Variants in UNC5D observed in about 807,000 individuals in gnomAD.
UNC5D encodes netrin receptor UNC5D.
In UNC5D, 39 loss-of-function variants were observed where a neutral mutation model predicts 105.4. The observed-to-expected ratio is 0.37, with a 90% CI of 0.29 to 0.48. The LOEUF (loss-of-function observed/expected upper bound fraction) is 0.48, where lower values mean the gene tolerates loss of function less well. UNC5D is among the 20% of genes least tolerant of loss of function. The probability of loss-of-function intolerance (pLI) is 0.98; values close to 1 mark genes in which losing one functional copy is unlikely to be tolerated. For missense variants in UNC5D, 991 were observed against 1,202.4 expected, an observed-to-expected ratio of 0.82 and a Z score of 2.60; for synonymous variants, 452 against 450.4, an observed-to-expected ratio of 1.00 and a Z score of -0.04.
chr8:35,453,101 C>T (rs1363272809), intron 1 of UNC5D, among the ~76,000 whole-genome samples: 1 of 152,006 alleles, frequency 6.6e-6, no homozygotes, highest in African/African-American at 2.4e-5. Context: ...TTTGAATGCC[C>T]AATATCTTCA....
At chr8:35,400,847 G>A (rs1490909775) in intron 1 of UNC5D, among the ~76,000 whole-genome samples, 2 of 152,076 alleles carry the variant, frequency 1.3e-5, no homozygotes, top group Non-Finnish European at 2.9e-5. Flanking sequence ...CACTTTTCTT[G>A]TTTTAGTTAC....
intron 1 of UNC5D, among the ~76,000 whole-genome samples, chr8:35,339,785 T>C (rs1811326234): frequency 6.6e-6 from 1 of 152,134 alleles, no homozygotes; most frequent in Non-Finnish European, 1.5e-5. Flanking sequence ...ACTGAGAAGA[T>C]GGTGGACTAT....
intron 1 of UNC5D, among the ~76,000 whole-genome samples, chr8:35,441,996 A>G (rs1437272933): frequency 6.6e-6 from 1 of 151,920 alleles, no homozygotes; most frequent in Non-Finnish European, 1.5e-5. Flanking sequence ...CTATATTCCA[A>G]GTGCACCATA....
chr8:35,649,468 A>C (rs1004295920), intron 4 of UNC5D, among the ~76,000 whole-genome samples: 1 of 152,150 alleles, frequency 6.6e-6, no homozygotes, highest in Non-Finnish European at 1.5e-5. Flanking sequence ...ATCCAATGAG[A>C]ATTTTACTTG....
chr8:35,734,712 G>C (rs1469931532), intron 11 of UNC5D, among the ~76,000 whole-genome samples: 1 of 151,606 alleles, frequency 6.6e-6, no homozygotes, highest in Non-Finnish European at 1.5e-5. Context: ...GCCCAGCTGG[G>C]GTATTTCTTT....
At chr8:35,593,655 G>A (rs1273639548) in intron 3 of UNC5D, among the ~76,000 whole-genome samples, 1 of 152,056 alleles carries the variant, frequency 6.6e-6, no homozygotes, top group East Asian at 1.9e-4. Flanking sequence ...CTAGCTACTT[G>A]GGAAGCTGAG....
intron 1 of UNC5D, among the ~76,000 whole-genome samples, chr8:35,368,165 A>G (rs1235128978): frequency 2.0e-5 from 3 of 152,146 alleles, no homozygotes; most frequent in African/African-American, 7.2e-5. Flanking sequence ...TAGATTGAAA[A>G]CATTATCTTG....
chr8:35,281,144 T>A (rs1806127819), intron 1 of UNC5D, among the ~76,000 whole-genome samples: 1 of 152,172 alleles, frequency 6.6e-6, no homozygotes, highest in South Asian at 2.1e-4. Flanking sequence ...CGTCTCCCCG[T>A]GGGCAAACTC....
intron 1 of UNC5D, among the ~76,000 whole-genome samples, chr8:35,377,253 C>A (rs1462504409): frequency 6.6e-6 from 1 of 152,156 alleles, no homozygotes; most frequent in Non-Finnish European, 1.5e-5. Context: ...ACCTGTGTAA[C>A]AAGGTGAGGC....
chr8:35,448,311 G>A (rs751521108), intron 1 of UNC5D, among the ~76,000 whole-genome samples: 1 of 152,054 alleles, frequency 6.6e-6, no homozygotes, highest in Non-Finnish European at 1.5e-5. Context: ...CAGACTTGAG[G>A]AAAGGAGTTA....
At chr8:35,284,607 T>G (rs551091265) in intron 1 of UNC5D, among the ~76,000 whole-genome samples, 4 of 152,214 alleles carry the variant, frequency 2.6e-5, no homozygotes, top group Non-Finnish European at 4.4e-5. Flanking sequence ...CAGGCTGCAG[T>G]GCAGTGGCAC....
chr8:35,406,783 T>G (rs544235894), intron 1 of UNC5D, among the ~76,000 whole-genome samples: 1 of 152,308 alleles, frequency 6.6e-6, no homozygotes, highest in African/African-American at 2.4e-5. Context: ...ATCCTATAAC[T>G]AGTTGGTGAC....
chr8:35,344,955 A>G (rs962702112), intron 1 of UNC5D, among the ~76,000 whole-genome samples: 2 of 152,070 alleles, frequency 1.3e-5, no homozygotes, highest in Admixed American at 6.6e-5. Flanking sequence ...GCGCTTGTAT[A>G]TAGAAAAAAT....
At chr8:35,250,689 G>T (rs954086804) in intron 1 of UNC5D, among the ~76,000 whole-genome samples, 1 of 152,062 alleles carries the variant, frequency 6.6e-6, no homozygotes. Context: ...TAGAGACGGG[G>T]TTTCACCATG....
At chr8:35,349,011 C>T (rs972677683) in intron 1 of UNC5D, among the ~76,000 whole-genome samples, 3 of 151,672 alleles carry the variant, frequency 2.0e-5, no homozygotes, top group African/African-American at 7.3e-5. Context: ...ATTTACATGA[C>T]GTTATTTAAA....
chr8:35,569,050 T>TAAA (rs34277362), intron 3 of UNC5D, among the ~76,000 whole-genome samples: 6 of 118,852 alleles, frequency 5.0e-5, no homozygotes, highest in South Asian at 2.7e-4. Flanking sequence ...CAAGTAGGAC[T>TAAA]AAAAAAAAAA....
At chr8:35,376,544 G>C (rs1262251254) in intron 1 of UNC5D, among the ~76,000 whole-genome samples, 5 of 152,132 alleles carry the variant, frequency 3.3e-5, no homozygotes, top group Non-Finnish European at 7.3e-5. Flanking sequence ...TTTAGAGCGA[G>C]AATGGAGGAG....
At position 35,791,062 on chromosome 8, in the gene UNC5D, T is replaced by C. The variant is rs1803017772; in HGVS notation, c.*499T>C. On this transcript the variant is annotated 3_prime_UTR_variant, in exon 17 of 17. Transcript: ENST00000404895. ...AGGGTTGCCAACCCATTTGTATGACTTCAACAACGTCAAGGAGGGCATTTA... is the reference window on the plus strand; with the variant it reads ...AGGGTTGCCAACCCATTTGTATGACCTCAACAACGTCAAGGAGGGCATTTA... 1 of 183,414 alleles carries C rather than the reference T, an allele frequency of 5.5e-6. No homozygotes were observed. The allele number at this position is 183,414 out of a possible 1,614,324, so 11.4% of individuals were successfully genotyped here. A position where few individuals can be genotyped will look rare whatever the true frequency, so the allele number is the denominator to read the frequency against.
chr8:35,494,429 ACTT>A (rs1486341690), intron 1 of UNC5D, among the ~76,000 whole-genome samples: 1 of 152,158 alleles, frequency 6.6e-6, no homozygotes, highest in African/African-American at 2.4e-5. Flanking sequence ...TGTTCCTAGA[ACTT>A]CTAGAAACTT....
Sources: gnomAD v4.1 joint callset for allele counts (sites outside exome capture counted in the v4.1 genomes callset) on GRCh38, gnomAD v4.1.1 for gene constraint, MANE v1.5 for transcripts, NCBI Gene and HGNC (gene_info 2026-07-23, HGNC 2026-07-21) for gene names.